The following MBNL2 variants were observed in gnomAD, a reference collection of about 807,000 sequenced individuals.
MBNL2 encodes the protein muscleblind-like protein 2.
In MBNL2, 17 loss-of-function variants were observed where a neutral mutation model predicts 41.9. The ratio of observed to expected loss-of-function variants is 0.41; its 90% CI spans 0.28 to 0.61. The LOEUF is 0.61. Ranked by LOEUF, MBNL2 falls within the 20% of genes least tolerant of loss-of-function variation. The pLI is 0.35. For synonymous variants in MBNL2, 195 were observed against 182.9 expected (o/e 1.07, Z -0.53); for missense variants, 336 against 505.6 (o/e 0.66, Z 3.22).
intron 1 of MBNL2, among the ~76,000 whole-genome samples, chr13:97,231,210 T>G (rs967707654): frequency 2.0e-4 from 30 of 152,338 alleles, no homozygotes; most frequent in African/African-American, 5.8e-4. Context: ...GCAAATAGAT[T>G]GATGCCGTCA....
chr13:97,198,676 G>T, the MBNL2 span, among the ~76,000 whole-genome samples: 2 of 151,918 alleles, frequency 1.3e-5, no homozygotes, highest in South Asian at 4.2e-4. Context: ...CGCAGTAAAT[G>T]GCAACTCCAT....
At chr13:97,146,542 A>G in the MBNL2 span, among the ~76,000 whole-genome samples, 2 of 152,204 alleles carry the variant, frequency 1.3e-5, no homozygotes, top group Admixed American at 1.3e-4. Context: ...CTGGGGAACA[A>G]AAGACCTATG....
intron 2 of MBNL2, among the ~76,000 whole-genome samples, chr13:97,317,155 C>A (rs1057417840): frequency 6.6e-6 from 1 of 152,062 alleles, no homozygotes; most frequent in Non-Finnish European, 1.5e-5. Context: ...GTGGGAGATG[C>A]CAAGCTTTGT....
At chr13:97,163,007 A>AAAACCATTT in the MBNL2 span, among the ~76,000 whole-genome samples, 2 of 152,170 alleles carry the variant, frequency 1.3e-5, no homozygotes, top group African/African-American at 4.8e-5. Context: ...GATGCTCGAG[A>AAAACCATTT]AAACCATTTC....
chr13:97,333,996 GAGAA>G (rs1475173348), intron 2 of MBNL2, among the ~76,000 whole-genome samples: 1 of 100,380 alleles, frequency 1.0e-5, no homozygotes, highest in Non-Finnish European at 2.0e-5. Context: ...GGGAAAGAAA[GAGAA>G]AGAGAGAAAG....
At position 97,355,008 on chromosome 13, in the gene MBNL2, G is replaced by T. The variant is rs551500108; in HGVS notation, c.805-1788G>T. ...AAAAAACAAAACAAAAGAAAACCCTGCACTACTTAACAATGCAAAGCTGTG... is the reference window on the plus strand; with the variant it reads ...AAAAAACAAAACAAAAGAAAACCCTTCACTACTTAACAATGCAAAGCTGTG... On this transcript the variant is annotated intron_variant, in intron 5 of 8. Coordinates refer to ENST00000679496, the MANE Select transcript of MBNL2 (RefSeq NM_001382683.1). 4.6e-5 allele frequency among the ~76,000 whole-genome samples: 7 copies of T among 152,260 alleles called. No individual in the cohort carries two copies. In the South Asian group the frequency reaches 1.5e-3, roughly 32 times the overall value.
chr13:97,154,607 T>A, the MBNL2 span, among the ~76,000 whole-genome samples: 1 of 152,102 alleles, frequency 6.6e-6, no homozygotes, highest in Non-Finnish European at 1.5e-5. Context: ...ACCCAGCTGA[T>A]TTTTTAAACA....
chr13:97,223,024 T>C (rs1475603237), intron 1 of MBNL2, among the ~76,000 whole-genome samples: 1 of 152,228 alleles, frequency 6.6e-6, no homozygotes, highest in Non-Finnish European at 1.5e-5. Context: ...TCTACAATGC[T>C]ACAGCTTTAA....
chr13:97,211,894 G>A, the MBNL2 span, among the ~76,000 whole-genome samples: 4 of 152,182 alleles, frequency 2.6e-5, no homozygotes, highest in Admixed American at 1.3e-4. Context: ...ACTATATGCC[G>A]AGATCTAAAT....
intron 8 of MBNL2, among the ~76,000 whole-genome samples, chr13:97,376,868 G>A (rs973439702): frequency 8.5e-5 from 13 of 152,084 alleles, no homozygotes; most frequent in African/African-American, 3.1e-4. Context: ...ATTGGAATAG[G>A]AGCCCAGATG....
Position 97,228,527 on chromosome 13 carries a change from A to ATT in MBNL2, c.-605+5997_-605+5998insTT. ...TATAATTTCAGTTTTTATATTTATT[A>ATT]TCTTTTTTTTTTTTTTTTTGAGACA... On this transcript the variant is annotated intron_variant, in intron 1 of 8. Transcript: ENST00000679496. Among the ~76,000 whole-genome samples the ATT allele has an allele frequency of 2.5e-5, 3 of 121,752 alleles. 1 individual carries two copies. Among genetic ancestry groups the ATT allele is most frequent in the Admixed American group, 9.7e-5 (1 of 10,338 alleles). 79.9% of individuals were successfully genotyped at this position (121,752 alleles called of 152,430 possible).
chr13:97,357,346 T>C, intron 6 of MBNL2, 136 bp from the exon 7 acceptor site: 1 of 708,672 alleles, frequency 1.4e-6, no homozygotes, highest in Non-Finnish European at 2.4e-6. Context: ...TTGCCGCTGT[T>C]TAAATTAAGG....
chr13:97,333,776 T>G (rs2060620958), intron 2 of MBNL2, among the ~76,000 whole-genome samples: 1 of 145,250 alleles, frequency 6.9e-6, no homozygotes, highest in Non-Finnish European at 1.5e-5. Context: ...CAGACAACTG[T>G]ATAGCAAGTT....
At chr13:97,391,096 C>G (rs2066368390) in intron 8 of MBNL2, among the ~76,000 whole-genome samples, 1 of 152,132 alleles carries the variant, frequency 6.6e-6, no homozygotes, top group Non-Finnish European at 1.5e-5. Flanking sequence ...AAGTACTGTG[C>G]ATTTGAATCA....
intron 2 of MBNL2, among the ~76,000 whole-genome samples, chr13:97,295,597 C>T (rs1461928026): frequency 1.3e-5 from 2 of 152,128 alleles, no homozygotes; most frequent in East Asian, 1.9e-4. Context: ...TGAGCTGCAA[C>T]GTGCACCGTA....
At chr13:97,353,135 T>C (rs541987722) in intron 5 of MBNL2, among the ~76,000 whole-genome samples, 1 of 152,334 alleles carries the variant, frequency 6.6e-6, no homozygotes, top group East Asian at 1.9e-4. Context: ...TTAGTTACCA[T>C]AGTTTCTTGG....
intron 5 of MBNL2, among the ~76,000 whole-genome samples, chr13:97,350,303 C>G (rs9943962): frequency 0.012 from 1,888 of 152,266 alleles, 44 homozygotes; most frequent in African/African-American, 0.043. Context: ...TGAGTCGTAT[C>G]TTTTTGCTGG....
At chr13:97,391,277 C>T (rs1344222458) in intron 8 of MBNL2, 45 bp from the exon 9 acceptor site, 7 of 838,136 alleles carry the variant, frequency 8.4e-6, no homozygotes, top group Admixed American at 8.0e-5. Context: ...ATTATTTTTC[C>T]TCCCAGAAGG....
At chr13:97,206,207 T>C in the MBNL2 span, among the ~76,000 whole-genome samples, 44 of 152,318 alleles carry the variant, frequency 2.9e-4, no homozygotes, top group African/African-American at 1.0e-3. Context: ...AATCGTGATT[T>C]CTACAGTTCT....
Sources: gnomAD v4.1 joint callset for allele counts (sites outside exome capture counted in the v4.1 genomes callset) on GRCh38, gnomAD v4.1.1 for gene constraint, MANE v1.5 for transcripts, NCBI Gene and HGNC (gene_info 2026-07-23, HGNC 2026-07-21) for gene names.